Variants in SMG6 observed in about 807,000 individuals in gnomAD.
The protein encoded by SMG6 is SMG6 nonsense mediated mRNA decay factor.
Under a neutral mutation model 142.2 loss-of-function variants are expected in SMG6, and 66 were observed. That is an observed-to-expected ratio of 0.46 (90% CI 0.38 to 0.57). SMG6 has a LOEUF of 0.57. Among genes scored for constraint, SMG6 ranks in the 20% least tolerant of loss-of-function variants. The pLI is 0.00. For missense variants in SMG6, 1,793 were observed against 1,832.0 expected, an observed-to-expected ratio of 0.98 and a Z score of 0.39; for synonymous variants, 779 against 702.4, an observed-to-expected ratio of 1.11 and a Z score of -1.72.
chr17:2,157,464 G>C (rs1211918267), intron 13 of SMG6, among the ~76,000 whole-genome samples: 1 of 152,196 alleles, frequency 6.6e-6, no homozygotes, highest in Admixed American at 6.5e-5. Context: ...CTCTGGAAGA[G>C]AGCAAAGATG....
intron 14 of SMG6, among the ~76,000 whole-genome samples, chr17:2,083,305 G>A (rs1164926495): frequency 6.6e-6 from 1 of 152,220 alleles, no homozygotes; most frequent in Admixed American, 6.5e-5. Flanking sequence ...TACTCAGGTG[G>A]GTGGCTGGGT....
At chr17:2,124,731 C>T (rs372849219) in intron 13 of SMG6, among the ~76,000 whole-genome samples, 10 of 152,276 alleles carry the variant, frequency 6.6e-5, no homozygotes, top group East Asian at 3.9e-4. Context: ...ACAGGTCTTC[C>T]GCATCCTACC....
intron 10 of SMG6, among the ~76,000 whole-genome samples, chr17:2,199,580 A>AAT (rs1305186592): frequency 6.6e-6 from 1 of 151,428 alleles, no homozygotes; most frequent in Non-Finnish European, 1.5e-5. Flanking sequence ...TAAATAAATA[A>AAT]AAATAAAAAA....
intron 10 of SMG6, among the ~76,000 whole-genome samples, chr17:2,192,940 TCAG>T: frequency 6.6e-6 from 1 of 152,114 alleles, no homozygotes. Flanking sequence ...AACGAATGAG[TCAG>T]CAGAATCAGG....
intron 8 of SMG6, among the ~76,000 whole-genome samples, chr17:2,255,429 A>AAAAAAAAG (rs1567722251): frequency 1.5e-5 from 2 of 137,792 alleles, no homozygotes; most frequent in Admixed American, 7.5e-5. Context: ...AAAAAAAAAA[A>AAAAAAAAG]GAATGTGATC....
chr17:2,298,536 G>C (rs1368748085), intron 2 of SMG6, among the ~76,000 whole-genome samples: 2 of 152,138 alleles, frequency 1.3e-5, no homozygotes, highest in South Asian at 2.1e-4. Context: ...TGGCTAACAT[G>C]GTGAAACTCC....
chr17:2,281,151 CT>C (rs2074776683), intron 8 of SMG6, among the ~76,000 whole-genome samples: 1 of 152,062 alleles, frequency 6.6e-6, no homozygotes, highest in Non-Finnish European at 1.5e-5. Context: ...TCATTCTTGA[CT>C]TTTTTGAGAC....
chr17:2,269,805 T>C (rs1201846542), intron 8 of SMG6, among the ~76,000 whole-genome samples: 1 of 152,148 alleles, frequency 6.6e-6, no homozygotes, highest in East Asian at 1.9e-4. Context: ...ATCTTACAGA[T>C]AGAAAACTAA....
At chr17:2,094,246 G>A (rs1301140366) in intron 13 of SMG6, among the ~76,000 whole-genome samples, 3 of 152,082 alleles carry the variant, frequency 2.0e-5, no homozygotes, top group Admixed American at 1.3e-4. Flanking sequence ...ACCCTGCAAC[G>A]TAACTTTCTT....
At chr17:2,280,690 T>C (rs2074765913) in intron 8 of SMG6, 1 of 634,732 alleles carries the variant, frequency 1.6e-6, no homozygotes, top group African/African-American at 2.0e-5. Flanking sequence ...ATATATAGTT[T>C]CATCAATAGT....
chr17:2,092,005 G>A (rs982066828), intron 13 of SMG6, among the ~76,000 whole-genome samples: 1 of 147,918 alleles, frequency 6.8e-6, no homozygotes, highest in African/African-American at 2.5e-5. Context: ...TTTTTTTTGA[G>A]ACAGAGTCTT....
chr17:2,258,659 C>T (rs1432795452), intron 8 of SMG6, among the ~76,000 whole-genome samples: 3 of 149,880 alleles, frequency 2.0e-5, no homozygotes, highest in East Asian at 3.9e-4. Flanking sequence ...ATTAGCTGGG[C>T]GTGGTGGTGC....
intron 8 of SMG6, among the ~76,000 whole-genome samples, chr17:2,245,618 C>G (rs1178491751): frequency 6.6e-6 from 1 of 152,212 alleles, no homozygotes; most frequent in Non-Finnish European, 1.5e-5. Flanking sequence ...CTCCTGGCCT[C>G]AAGTGATCCA....
At chr17:2,126,820 G>A (rs959693013) in intron 13 of SMG6, among the ~76,000 whole-genome samples, 17 of 152,060 alleles carry the variant, frequency 1.1e-4, no homozygotes, top group Admixed American at 3.3e-4. Context: ...GGGAGGCTAT[G>A]GTGGGACGAT....
intron 6 of SMG6, among the ~76,000 whole-genome samples, chr17:2,284,614 T>C (rs533124725): frequency 6.6e-6 from 1 of 152,306 alleles, no homozygotes; most frequent in East Asian, 1.9e-4. Flanking sequence ...CTAGCTTCTC[T>C]CTCTCCCCAG....
Position 2,202,064 on chromosome 17 carries a change from A to G in SMG6, c.2870-13549T>C, listed in dbSNP as rs147759657. On this transcript the variant is annotated intron_variant, in intron 10 of 18. Transcript: ENST00000263073. ...GTTAAGTACCAAACGACCCAGCTATATCACTCACAGGTATTTACTCCCTAA... is the reference window on the plus strand; with the variant it reads ...GTTAAGTACCAAACGACCCAGCTATGTCACTCACAGGTATTTACTCCCTAA... 2.9e-4 allele frequency among the ~76,000 whole-genome samples: 44 copies of G among 152,240 alleles called. No individual in the cohort carries two copies. In the East Asian group the frequency reaches 8.1e-3, roughly 28 times the overall value.
At chr17:2,178,313 A>G (rs915678398) in intron 12 of SMG6, among the ~76,000 whole-genome samples, 1 of 152,184 alleles carries the variant, frequency 6.6e-6, no homozygotes, top group Non-Finnish European at 1.5e-5. Flanking sequence ...AAAGGCCACC[A>G]TTCCAGGAGT....
chr17:2,063,487 T>A (rs987784768), intron 18 of SMG6, among the ~76,000 whole-genome samples: 1 of 152,176 alleles, frequency 6.6e-6, no homozygotes, highest in South Asian at 2.1e-4. Flanking sequence ...TCCTGTAGGC[T>A]GTTTGGGGTG....
chr17:2,096,391 T>C (rs964367700), intron 13 of SMG6, among the ~76,000 whole-genome samples: 3 of 152,220 alleles, frequency 2.0e-5, no homozygotes, highest in Non-Finnish European at 2.9e-5. Context: ...ATATTTTTAA[T>C]AGAGATGTGG....
Sources: allele counts gnomAD v4.1 joint callset (sites outside exome capture counted in the v4.1 genomes callset), GRCh38; gene constraint gnomAD v4.1.1; transcripts MANE v1.5; gene names NCBI Gene and HGNC (gene_info 2026-07-23, HGNC 2026-07-21).